AIRE: variants seen among roughly 807,000 people sequenced by gnomAD.
The protein encoded by AIRE is autoimmune regulator.
In AIRE, 52 loss-of-function variants were observed where a neutral mutation model predicts 62.1. The observed-to-expected ratio is 0.84, with a 90% CI of 0.67 to 1.06. The LOEUF (loss-of-function observed/expected upper bound fraction) is 1.06. AIRE is among the 50% of genes least tolerant of loss of function. AIRE has a pLI of 0.00. For synonymous variants in AIRE, 342 were observed against 321.6 expected (o/e 1.06, Z -0.68); for missense variants, 774 against 755.8 (o/e 1.02, Z -0.28).
intron 7 of AIRE, 55 bp downstream of exon 7, chr21:44,290,123 G>A (rs111722927): frequency 2.2e-5 from 35 of 1,573,724 alleles, no homozygotes; most frequent in Non-Finnish European, 2.9e-5. Flanking sequence ...CCCTCGGGTG[G>A]GTCCTGCTGC....
chr21:44,290,855 AGAAACCG>A, intron 7 of AIRE: 1 of 1,595,746 alleles, frequency 6.3e-7, no homozygotes, highest in South Asian at 1.1e-5. Context: ...GCAGCCTGCA[AGAAACCG>A]GGTTTTCTTC....
chr21:44,288,292 G>C, intron 4 of AIRE, 53 bp from the exon 5 acceptor site: 1 of 1,377,304 alleles, frequency 7.3e-7, no homozygotes, highest in South Asian at 1.2e-5. Flanking sequence ...TAGAGTATGT[G>C]CTTGGGAACA....
intron 12 of AIRE, among the ~76,000 whole-genome samples, chr21:44,296,083 C>T (rs777194925): frequency 6.6e-6 from 1 of 152,190 alleles, no homozygotes; most frequent in Non-Finnish European, 1.5e-5. Flanking sequence ...CTCAGACTTC[C>T]CCTCTCAGAG....
rs770013170 is a variant in AIRE, at chr21:44,290,911, AGATGGATGGG to A, written c.880-181_880-172del. Reference sequence around the variant, plus strand: ...CCCCGGGGGGTGTCTGTTGGAGACCAGATGGATGGGGAACAGGTGGTCAGGGCAGAATTTC... The same window carrying A: ...CCCCGGGGGGTGTCTGTTGGAGACCAGAACAGGTGGTCAGGGCAGAATTTC... On this transcript the variant is annotated intron_variant, in intron 7 of 13. Transcript: ENST00000291582. 100 of 1,610,984 alleles carry A rather than the reference AGATGGATGGG, an allele frequency of 6.2e-5. No individual in the cohort carries two copies. In the South Asian group the frequency reaches 1.1e-3, roughly 17 times the overall value.
Position 44,286,618 on chromosome 21 carries a change from G to A in AIRE, c.194G>A (p.Trp65Ter). 6.2e-7 allele frequency: 1 copy of A among 1,612,970 alleles called. No individual in the cohort carries two copies. The highest frequency in any genetic ancestry group is 8.5e-7 in the Non-Finnish European group (1 of 1,179,980). Residue 65 changes from tryptophan to a stop codon, truncating the protein, a stop_gained, in exon 2 of 14, where the codon TGG becomes TAG. Transcript: ENST00000291582. LOFTEE classifies it high-confidence loss of function. The surrounding 1 kb of genome is among the most constrained non-coding windows in gnomAD (Gnocchi z 6.0). ...CAGGCCTTCCACGCCCTCCTGTCCT[G>A]GCTGCTGACCCAGGACTCCACAGCC... Reference protein sequence around the residue: ...CPQAFHALLSWLLTQDSTAIL... With the variant: ...CPQAFHALLS
At position 44,293,021 on chromosome 21, in the gene AIRE, A is replaced by G. The variant is rs1231290101; in HGVS notation, c.1124A>G (p.Glu375Gly). Residue 375 changes from glutamate to glycine, a missense_variant, in exon 10 of 14, where the codon GAG becomes GGG. Physicochemically the swap from Glu to Gly is moderately conservative, Grantham distance 98. Coordinates refer to ENST00000291582, the MANE Select transcript of AIRE (RefSeq NM_000383.4). ...PLPPGLRSAG[E>G]EVRGPPGEPL... ...CCCCCGGGGCTTAGGTCGGCGGGAG[A>G]GGAGGTAAGAGGTCCACCTGGGGAA... 1 of 1,612,050 alleles carries G rather than the reference A, an allele frequency of 6.2e-7. No homozygotes were observed. The highest frequency in any genetic ancestry group is 1.3e-5 in the African/African-American group (1 of 74,788).
chr21:44,287,610 G>T lies in AIRE; in HGVS notation c.538+19G>T. On this transcript the variant is annotated intron_variant, in intron 4 of 13. Transcript: ENST00000291582. This position sits in a 1 kb window ranked among gnomAD's most constrained non-coding sequence, Gnocchi z 4.3. Reference sequence around the variant, plus strand: ...GGGAACGGTGAGCGGGGCCCAGTGGGAGCGCCTCCCTTCTCCCTGGCCAGG... The same window carrying T: ...GGGAACGGTGAGCGGGGCCCAGTGGTAGCGCCTCCCTTCTCCCTGGCCAGG... 6.5e-7 allele frequency: 1 copy of T among 1,549,058 alleles called. No homozygotes were observed.
chr21:44,292,409 C>G lies in AIRE; in HGVS notation c.1095+8C>G. On this transcript the variant is annotated splice_region_variant and intron_variant, in intron 9 of 13. Transcript: ENST00000291582. Reference sequence around the variant, plus strand: ...CCACCCGTGGAGACCCCGGTATGGCCACGCCCCCTCCTAGCCGGGCCACCC... The same window carrying G: ...CCACCCGTGGAGACCCCGGTATGGCGACGCCCCCTCCTAGCCGGGCCACCC... The G allele has an allele frequency of 6.5e-7, 1 of 1,542,994 alleles. No individual in the cohort carries two copies. Among genetic ancestry groups the G allele is most frequent in the Non-Finnish European group, 8.8e-7 (1 of 1,141,478 alleles).
In AIRE at chr21:44,293,280, G is replaced by C. The variant is rs947808901; in HGVS notation, c.1278+105G>C. 4 of 1,186,334 alleles carry C rather than the reference G, an allele frequency of 3.4e-6. No homozygotes were observed. In the African/African-American group the frequency reaches 4.7e-5, roughly 14 times the overall value. The allele number at this position is 1,186,334 out of a possible 1,614,324, so 73.5% of individuals were successfully genotyped here. ...AGGAGAGGGAGGCCAGGCGAGAAAG[G>C]CTCCGGGAGGCACAGGGCCTGGGGC... On this transcript the variant is annotated intron_variant, in intron 10 of 13. Coordinates refer to ENST00000291582, the MANE Select transcript of AIRE (RefSeq NM_000383.4).
rs1294746930 is a variant in AIRE, at chr21:44,287,690, G to A, written c.538+99G>A. On this transcript the variant is annotated intron_variant, in intron 4 of 13. Transcript: ENST00000291582. This position sits in a 1 kb window ranked among gnomAD's most constrained non-coding sequence, Gnocchi z 4.3. ...TGCCCTCTGAGACCCTGTCCTAGGG[G>A]CTGGGGACGTGCTGGCCTGGTGTGT... 2 of 1,267,802 alleles carry A rather than the reference G, an allele frequency of 1.6e-6. No homozygotes were observed. The highest frequency in any genetic ancestry group is 3.0e-5 in the African/African-American group (2 of 67,260). The allele number at this position is 1,267,802 out of a possible 1,614,324, so 78.5% of individuals were successfully genotyped here.
Position 44,286,261 on chromosome 21 carries a change from C to A in AIRE, c.132+123C>A. The A allele has an allele frequency of 8.5e-7, 1 of 1,172,088 alleles. No homozygotes were observed. The highest frequency in any genetic ancestry group is 1.2e-6 in the Non-Finnish European group (1 of 826,894). 72.6% of individuals were successfully genotyped at this position (1,172,088 alleles called of 1,614,324 possible). ...AGCCCCTCCAGCCTTCCCCAACTCCCTCCCCACAAGGAGCCAGGGGCGTCC... is the reference window on the plus strand; with the variant it reads ...AGCCCCTCCAGCCTTCCCCAACTCCATCCCCACAAGGAGCCAGGGGCGTCC... On this transcript the variant is annotated intron_variant, in intron 1 of 13. Coordinates refer to ENST00000291582, the MANE Select transcript of AIRE (RefSeq NM_000383.4). The surrounding 1 kb of genome is among the most constrained non-coding windows in gnomAD (Gnocchi z 6.0).
rs73907161 is a variant in AIRE at position 44,294,940 on chromosome 21, G to T, written c.1503+437G>T. Among the ~76,000 whole-genome samples, 1,372 of 152,268 alleles carry T rather than the reference G, an allele frequency of 9.0e-3. 30 individuals carry two copies. Among genetic ancestry groups the T allele is most frequent in the African/African-American group, 0.031 (1,287 of 41,542 alleles). ...GTGTGGCCAGAGCCCTCTCAGAGAG[G>T]CAAAGTGACCCCGGGTCCAGCCAGT... On this transcript the variant is annotated intron_variant, in intron 12 of 13. Transcript: ENST00000291582.
At position 44,298,492 on chromosome 21, in the gene AIRE, C is replaced by G. The variant is rs1023417144; in HGVS notation, c.*765C>G. Reference sequence around the variant, plus strand: ...TCCTTTTTTAAGGCTGAGTAATATTCCAGCACATGGATGGACTGCATTGTG... The same window carrying G: ...TCCTTTTTTAAGGCTGAGTAATATTGCAGCACATGGATGGACTGCATTGTG... On this transcript the variant is annotated 3_prime_UTR_variant, in exon 14 of 14. Transcript: ENST00000291582. The G allele has an allele frequency of 7.8e-5, 12 of 153,546 alleles. No individual in the cohort carries two copies. The highest frequency in any genetic ancestry group is 2.9e-4 in the African/African-American group (12 of 41,448). 9.5% of individuals were successfully genotyped at this position (153,546 alleles called of 1,614,324 possible). A position where few individuals can be genotyped will look rare whatever the true frequency, so the allele number is the denominator to read the frequency against.
chr21:44,286,953 C>T lies in AIRE; in HGVS notation c.308-25C>T, dbSNP rs768033689. 4 of 1,612,670 alleles carry T rather than the reference C, an allele frequency of 2.5e-6. No homozygotes were observed. In the South Asian group the frequency reaches 4.4e-5, roughly 18 times the overall value. ...CCTGGAGAAAACCCTGAGGTTGGGA[C>T]CCTGCTCCTGCCCCTGAGCTGCAGA... On this transcript the variant is annotated intron_variant, in intron 2 of 13. Coordinates refer to ENST00000291582, the MANE Select transcript of AIRE (RefSeq NM_000383.4). The surrounding 1 kb of genome is among the most constrained non-coding windows in gnomAD (Gnocchi z 6.0).
At position 44,289,709 on chromosome 21, in the gene AIRE, G is replaced by A. The variant is rs145255118; in HGVS notation, c.705G>A (p.Lys235=). 1.1e-4 allele frequency: 181 copies of A among 1,612,846 alleles called. No individual in the cohort carries two copies. The Middle Eastern group carries it at 1.3e-3, about 12-fold the overall frequency. Residue 235 remains lysine (K), a synonymous_variant, in exon 6 of 14, where the codon AAG becomes AAA. Coordinates refer to ENST00000291582, the MANE Select transcript of AIRE (RefSeq NM_000383.4). ...QVGGEFYTPS[K]FEDSGSGKNK... ...GCGGGGAGTTCTACACTCCCAGCAA[G>A]TTCGAAGACTCCGGCAGTGGGAAGA... is the stretch of plus-strand genomic sequence containing the variant.
Position 44,285,980 on chromosome 21 carries a change from C to T in AIRE, c.-27C>T, listed in dbSNP as rs1253207215. 6.6e-7 allele frequency: 1 copy of T among 1,523,824 alleles called. No individual in the cohort carries two copies. Among genetic ancestry groups the T allele is most frequent in the East Asian group, 2.5e-5 (1 of 40,024 alleles). 94.4% of individuals were successfully genotyped at this position (1,523,824 alleles called of 1,614,324 possible). A position where few individuals can be genotyped will look rare whatever the true frequency, so the allele number is the denominator to read the frequency against. On this transcript the variant is annotated 5_prime_UTR_variant, in exon 1 of 14. Transcript: ENST00000291582. ...TGTCCCGGGACCCACCGCGTCCGCCCCAGCCCCGGGTCCCCGCGCCCACCC... is the reference window on the plus strand; with the variant it reads ...TGTCCCGGGACCCACCGCGTCCGCCTCAGCCCCGGGTCCCCGCGCCCACCC...
chr21:44,290,629 C>G, intron 7 of AIRE: 1 of 1,050,788 alleles, frequency 9.5e-7, no homozygotes, highest in Non-Finnish European at 1.3e-6. Flanking sequence ...ACCAGCCTAG[C>G]CTGGCTGTCT....
In AIRE at chr21:44,289,984, G is replaced by A. The variant is rs1359244532; in HGVS notation, c.799-4G>A. ...CCCATTGCTGACGCCCCTCTTCCTT[G>A]CAGGGTGGAGGTGAGGCTAGGCTGG... On this transcript the variant is annotated splice_region_variant and splice_polypyrimidine_tract_variant and intron_variant, in intron 6 of 13. Coordinates refer to ENST00000291582, the MANE Select transcript of AIRE (RefSeq NM_000383.4). 58 of 1,610,618 alleles carry A rather than the reference G, an allele frequency of 3.6e-5. No homozygotes were observed. Among genetic ancestry groups the A allele is most frequent in the Non-Finnish European group, 4.6e-5 (54 of 1,179,166 alleles).
intron 11 of AIRE, 34 bp downstream of exon 11, chr21:44,293,944 C>T (rs775335972): frequency 1.1e-5 from 17 of 1,593,808 alleles, no homozygotes; most frequent in Non-Finnish European, 1.4e-5. Context: ...AGGCCTGAAC[C>T]CACACCCACA....
Sources: allele counts gnomAD v4.1 joint callset (sites outside exome capture counted in the v4.1 genomes callset), GRCh38; gene constraint gnomAD v4.1.1; non-coding constraint Gnocchi (gnomAD v3.1); transcripts MANE v1.5; gene names NCBI Gene and HGNC (gene_info 2026-07-23, HGNC 2026-07-21).